Variants in ERC1 observed in about 807,000 individuals in gnomAD.
The protein encoded by ERC1 is RAB6 interacting protein 2.
Under a neutral mutation model 132.0 loss-of-function variants are expected in ERC1, and 56 were observed. The ratio of observed to expected loss-of-function variants is 0.42; its 90% CI spans 0.34 to 0.53. ERC1 has a LOEUF of 0.53. ERC1 is among the 20% of genes least tolerant of loss of function. ERC1 has a pLI of 0.03. For missense variants in ERC1, 1,202 were observed against 1,349.9 expected (o/e 0.89, Z 1.72); for synonymous variants, 478 against 476.1 (o/e 1.00, Z -0.05).
chr12:1,167,018 G>A (rs576986733), intron 8 of ERC1, among the ~76,000 whole-genome samples: 2 of 152,126 alleles, frequency 1.3e-5, no homozygotes, highest in East Asian at 1.9e-4. Flanking sequence ...TATCTGTGTC[G>A]TTTCTCATCT....
intron 4 of ERC1, among the ~76,000 whole-genome samples, chr12:1,105,787 A>G (rs576562129): frequency 6.6e-6 from 1 of 152,226 alleles, no homozygotes; most frequent in Non-Finnish European, 1.5e-5. Flanking sequence ...ATATTAATAT[A>G]ATGACTACAA....
chr12:1,187,095 T>C (rs1955182135), intron 11 of ERC1, among the ~76,000 whole-genome samples: 1 of 152,192 alleles, frequency 6.6e-6, no homozygotes, highest in Non-Finnish European at 1.5e-5. Flanking sequence ...CCTCCCAAAG[T>C]GATGGGGTGA....
At chr12:1,463,441 G>A (rs1024563739) in intron 18 of ERC1, among the ~76,000 whole-genome samples, 2 of 152,114 alleles carry the variant, frequency 1.3e-5, no homozygotes, top group African/African-American at 4.8e-5. Context: ...GGTTCTTTGT[G>A]GGGCAGCAAA....
chr12:1,396,327 T>C (rs1368028937), intron 16 of ERC1, among the ~76,000 whole-genome samples: 1 of 152,218 alleles, frequency 6.6e-6, no homozygotes, highest in Non-Finnish European at 1.5e-5. Flanking sequence ...CCAAAAAATA[T>C]ATGTCGTCCT....
intron 12 of ERC1, among the ~76,000 whole-genome samples, chr12:1,225,940 A>T (rs1404858306): frequency 6.6e-6 from 1 of 152,260 alleles, no homozygotes; most frequent in East Asian, 1.9e-4. Context: ...AATTTGATTC[A>T]TAAAAACAGA....
intron 12 of ERC1, among the ~76,000 whole-genome samples, chr12:1,195,007 T>C (rs1956085907): frequency 6.6e-6 from 1 of 152,066 alleles, no homozygotes; most frequent in Non-Finnish European, 1.5e-5. Flanking sequence ...ATTTATGGGA[T>C]AGTCGAGAAA....
chr12:1,252,358 T>G (rs1416894963), intron 13 of ERC1, among the ~76,000 whole-genome samples: 2 of 152,142 alleles, frequency 1.3e-5, no homozygotes, highest in Non-Finnish European at 2.9e-5. Flanking sequence ...TTTTTGGGAT[T>G]TTTTGGTAAA....
intron 1 of ERC1, among the ~76,000 whole-genome samples, chr12:997,201 A>G (rs755151104): frequency 6.6e-6 from 1 of 152,242 alleles, no homozygotes; most frequent in Admixed American, 6.5e-5. Flanking sequence ...GACTGCTAGG[A>G]TCAAACATGG....
intron 10 of ERC1, among the ~76,000 whole-genome samples, chr12:1,182,416 T>C (rs542009233): frequency 1.3e-5 from 2 of 152,246 alleles, no homozygotes; most frequent in African/African-American, 4.8e-5. Context: ...GGAAATTTTA[T>C]GTATAGCAAC....
chr12:1,198,245 A>T (rs2154281743), intron 12 of ERC1, among the ~76,000 whole-genome samples: 1 of 152,256 alleles, frequency 6.6e-6, no homozygotes, highest in South Asian at 2.1e-4. Context: ...TTGGACTCTT[A>T]AGTCTTTGGT....
chr12:1,034,932 C>T (rs1425155570), intron 2 of ERC1, among the ~76,000 whole-genome samples: 1 of 152,188 alleles, frequency 6.6e-6, no homozygotes, highest in Non-Finnish European at 1.5e-5. Context: ...GAATGGTGAA[C>T]ACCGCCTTAT....
chr12:1,461,289 T>C (rs746106316), intron 18 of ERC1, among the ~76,000 whole-genome samples: 3 of 152,152 alleles, frequency 2.0e-5, no homozygotes, highest in East Asian at 3.9e-4. Context: ...TGTTGAATGA[T>C]TGAATATTTT....
At position 1,369,357 on chromosome 12, in the gene ERC1, A is replaced by T. The variant is rs143632431; in HGVS notation, c.2781-2476A>T. ...AATATGGAATTATTTTTACTATGTC[A>T]TATTACAATATTTTCCTTAAGCACA... On this transcript the variant is annotated intron_variant, in intron 15 of 18. Coordinates refer to ENST00000360905, the MANE Select transcript of ERC1 (RefSeq NM_178040.4). Among the ~76,000 whole-genome samples the T allele has an allele frequency of 5.3e-5, 8 of 152,356 alleles. No individual in the cohort carries two copies. In the East Asian group the frequency reaches 1.5e-3, roughly 29 times the overall value.
intron 8 of ERC1, among the ~76,000 whole-genome samples, chr12:1,167,318 C>T (rs1024383005): frequency 2.6e-5 from 4 of 152,210 alleles, no homozygotes; most frequent in East Asian, 1.9e-4. Context: ...TGCTTAAAAA[C>T]TGCTTATAAC....
chr12:1,279,364 G>A (rs1389830060), intron 14 of ERC1, among the ~76,000 whole-genome samples: 1 of 152,076 alleles, frequency 6.6e-6, no homozygotes, highest in Non-Finnish European at 1.5e-5. Context: ...AATGCATTTG[G>A]ATTTGTCTTT....
At chr12:1,184,170 G>A (rs145890129) in intron 11 of ERC1, among the ~76,000 whole-genome samples, 2 of 150,342 alleles carry the variant, frequency 1.3e-5, no homozygotes, top group Admixed American at 6.6e-5. Flanking sequence ...AAAAGAATAA[G>A]TGGGAGCATA....
chr12:1,006,341 C>T (rs756824031), intron 1 of ERC1, among the ~76,000 whole-genome samples: 1 of 152,138 alleles, frequency 6.6e-6, no homozygotes, highest in African/African-American at 2.4e-5. Context: ...TTAATCAATC[C>T]TTCTGCTTCA....
chr12:1,376,157 G>A (rs1388788380), intron 16 of ERC1, among the ~76,000 whole-genome samples: 1 of 152,094 alleles, frequency 6.6e-6, no homozygotes, highest in Admixed American at 6.5e-5. Flanking sequence ...ATTTCTCAGG[G>A]CAGTTAGGAA....
intron 15 of ERC1, among the ~76,000 whole-genome samples, chr12:1,296,010 G>GA (rs77971645): frequency 0.041 from 3,752 of 90,444 alleles, 169 homozygotes; most frequent in African/African-American, 0.1. Flanking sequence ...TGGTTTAACA[G>GA]AAAAAAAAAA....
Sources: gnomAD v4.1 joint callset for allele counts (sites outside exome capture counted in the v4.1 genomes callset) on GRCh38, gnomAD v4.1.1 for gene constraint, MANE v1.5 for transcripts, NCBI Gene and HGNC (gene_info 2026-07-23, HGNC 2026-07-21) for gene names.